Variants in ZNF710 observed in about 807,000 individuals in gnomAD.
ZNF710 encodes zinc finger protein 710.
In ZNF710, 13 loss-of-function variants were observed where a neutral mutation model predicts 50.6. The ratio of observed to expected loss-of-function variants is 0.26; its 90% CI spans 0.17 to 0.41. ZNF710 has a LOEUF of 0.41. Among genes scored for constraint, ZNF710 ranks in the 10% least tolerant of loss-of-function variants. The probability of loss-of-function intolerance (pLI) is 1.00; values close to 1 mark genes in which losing one functional copy is unlikely to be tolerated. For missense variants in ZNF710, 721 were observed against 936.6 expected (o/e 0.77, Z 3.01); for synonymous variants, 383 against 397.0 (o/e 0.96, Z 0.42).
chr15:90,019,551 C>T (rs1027375386), intron 1 of ZNF710, among the ~76,000 whole-genome samples: 7 of 152,218 alleles, frequency 4.6e-5, no homozygotes, highest in African/African-American at 1.4e-4. Flanking sequence ...TACTAACTCC[C>T]ATTCTTTTAA....
intron 1 of ZNF710, among the ~76,000 whole-genome samples, chr15:90,016,874 G>C (rs1898472072): frequency 6.6e-6 from 1 of 152,258 alleles, no homozygotes; most frequent in Non-Finnish European, 1.5e-5. Flanking sequence ...TCAGGCAGTA[G>C]GTGGTAAAGG....
chr15:90,071,013 A>G (rs894095097), intron 2 of ZNF710, among the ~76,000 whole-genome samples: 2 of 152,216 alleles, frequency 1.3e-5, no homozygotes, highest in Non-Finnish European at 2.9e-5. Flanking sequence ...CTGTAATCCC[A>G]GCACTTTAGG....
Position 90,074,121 on chromosome 15 carries a change from C to A in ZNF710, c.1656C>A (p.Cys552Ter). ...ACCGGGTTGATGTGTTCTAGGTGTG[C>A]GGGAAGTCCTTCAACCGCATGTACA... is the stretch of plus-strand genomic sequence containing the variant. ...SPVKPFKCKV[C>*]GKSFNRMYNL... Residue 552 changes from cysteine (C) to a stop codon, truncating the protein, a stop_gained, in exon 4 of 5, where the codon TGC (cysteine) becomes TGA (stop). Transcript: ENST00000268154. LOFTEE classifies it high-confidence loss of function. The A allele has an allele frequency of 6.2e-7, 1 of 1,612,856 alleles. No homozygotes were observed. The highest frequency in any genetic ancestry group is 8.5e-7 in the Non-Finnish European group (1 of 1,179,590).
At chr15:90,008,409 CGTGTGTGT>C (rs530102600) in intron 1 of ZNF710, among the ~76,000 whole-genome samples, 35 of 130,356 alleles carry the variant, frequency 2.7e-4, no homozygotes, top group African/African-American at 1.0e-3. Context: ...ATATAGTATA[CGTGTGTGT>C]GTGTGTGTGT....
intron 1 of ZNF710, among the ~76,000 whole-genome samples, chr15:90,008,429 T>TATACAC (rs1898198181): frequency 7.2e-6 from 1 of 138,556 alleles, no homozygotes; most frequent in African/African-American, 3.1e-5. Flanking sequence ...TGTGTGTGTA[T>TATACAC]ATATATATAT....
At chr15:90,046,351 A>G (rs1596286128) in intron 1 of ZNF710, among the ~76,000 whole-genome samples, 1 of 152,334 alleles carries the variant, frequency 6.6e-6, no homozygotes, top group South Asian at 2.1e-4. Context: ...TGTAGAGTGG[A>G]AACAGTACAG....
At chr15:90,053,279 G>A (rs1212720723) in intron 1 of ZNF710, among the ~76,000 whole-genome samples, 1 of 152,180 alleles carries the variant, frequency 6.6e-6, no homozygotes, top group East Asian at 1.9e-4. Context: ...TTCACACAAG[G>A]CAAGGTAGGG....
intron 1 of ZNF710, among the ~76,000 whole-genome samples, chr15:90,004,887 G>A (rs1297412632): frequency 6.6e-6 from 1 of 152,244 alleles, no homozygotes; most frequent in Non-Finnish European, 1.5e-5. Flanking sequence ...TGGCCAGTGA[G>A]ACAACTAGGG....
intron 1 of ZNF710, among the ~76,000 whole-genome samples, chr15:90,041,102 A>G (rs897768694): frequency 1.3e-5 from 2 of 151,514 alleles, no homozygotes; most frequent in South Asian, 4.1e-4. Context: ...GAAAACATCT[A>G]TTGGATGTTT....
upstream of ZNF710, among the ~76,000 whole-genome samples, chr15:90,001,142 A>AC (rs1193510862): frequency 1.3e-5 from 2 of 152,092 alleles, no homozygotes; most frequent in African/African-American, 4.8e-5. Flanking sequence ...GAGAAAGAAA[A>AC]CCCTTCAGGC....
At chr15:90,013,652 C>G (rs1041857315) in intron 1 of ZNF710, among the ~76,000 whole-genome samples, 1 of 151,952 alleles carries the variant, frequency 6.6e-6, no homozygotes, top group Non-Finnish European at 1.5e-5. Flanking sequence ...TTTTAAAACT[C>G]CACCCACAGC....
At chr15:90,026,266 C>CAAAA (rs373675360) in intron 1 of ZNF710, among the ~76,000 whole-genome samples, 142 of 114,606 alleles carry the variant, frequency 1.2e-3, no homozygotes, top group African/African-American at 4.5e-3. Context: ...ACAACAACAA[C>CAAAA]AACAAAAAAA....
At chr15:90,056,866 A>G (rs896088628) in intron 1 of ZNF710, among the ~76,000 whole-genome samples, 2 of 152,146 alleles carry the variant, frequency 1.3e-5, no homozygotes, top group Admixed American at 6.5e-5. Flanking sequence ...GCTCATTTCT[A>G]TAAGAACCAG....
rs138101490 is a variant in ZNF710 at position 90,068,954 on chromosome 15, G to C, written c.1458+359G>C. Among the ~76,000 whole-genome samples, 1 of 151,666 alleles carries C rather than the reference G, an allele frequency of 6.6e-6. No homozygotes were observed. Among genetic ancestry groups the C allele is most frequent in the Non-Finnish European group, 1.5e-5 (1 of 67,928 alleles). The stretch of plus-strand genomic sequence containing the variant: ...CAAAAAAATTTAAACATGGCTAGGC[G>C]TGATGGCTCATGCCTGTAATCCCAG... On this transcript the variant is annotated intron_variant, in intron 2 of 4. Transcript: ENST00000268154. This position sits in a 1 kb window ranked among gnomAD's most constrained non-coding sequence, Gnocchi z 5.0.
chr15:90,017,611 C>G (rs1898490715), intron 1 of ZNF710, among the ~76,000 whole-genome samples: 2 of 151,946 alleles, frequency 1.3e-5, no homozygotes, highest in African/African-American at 2.4e-5. Flanking sequence ...TGTCACTATA[C>G]TGCTTGGCAT....
chr15:90,078,829 G>A (rs528395336), intron 4 of ZNF710, among the ~76,000 whole-genome samples: 35 of 152,320 alleles, frequency 2.3e-4, no homozygotes, highest in African/African-American at 7.9e-4. Context: ...ACATCTCAGC[G>A]GACAGGGCCA....
At chr15:90,002,414 G>A (rs2151453106) in intron 1 of ZNF710, 1 of 152,154 alleles carries the variant, frequency 6.6e-6, no homozygotes, top group Admixed American at 6.5e-5. Flanking sequence ...GGGTCCCTAC[G>A]GCCCGTCTTG....
chr15:90,012,571 A>C (rs949953805), intron 1 of ZNF710, among the ~76,000 whole-genome samples: 2 of 151,884 alleles, frequency 1.3e-5, no homozygotes, highest in African/African-American at 4.8e-5. Flanking sequence ...TGCCTGGCCA[A>C]CTTTTTCATT....
intron 2 of ZNF710, among the ~76,000 whole-genome samples, chr15:90,070,528 T>C (rs1446818442): frequency 6.6e-6 from 1 of 151,712 alleles, no homozygotes; most frequent in African/African-American, 2.4e-5. Context: ...TTTTTAAAAA[T>C]AGCTGAGTGT....
Sources: allele counts gnomAD v4.1 joint callset (sites outside exome capture counted in the v4.1 genomes callset), GRCh38; gene constraint gnomAD v4.1.1; non-coding constraint Gnocchi (gnomAD v3.1); transcripts MANE v1.5; gene names NCBI Gene and HGNC (gene_info 2026-07-23, HGNC 2026-07-21).